Variants in ATP2A1 observed in about 807,000 individuals in gnomAD.
ATP2A1 encodes sarcoplasmic/endoplasmic reticulum calcium ATPase 1.
In ATP2A1, 83 loss-of-function variants were observed where a neutral mutation model predicts 109.5. That is an observed-to-expected ratio of 0.76 (90% confidence interval 0.63 to 0.91). The LOEUF (loss-of-function observed/expected upper bound fraction) is 0.91, where lower values mean the gene tolerates loss of function less well. Ranked by LOEUF, ATP2A1 falls within the 40% of genes least tolerant of loss-of-function variation. The pLI, the probability that ATP2A1 is intolerant of heterozygous loss-of-function variation, is 0.00. For missense variants in ATP2A1, 1,101 were observed against 1,341.0 expected (o/e 0.82, Z 2.80); for synonymous variants, 505 against 537.6 (o/e 0.94, Z 0.84).
intron 11 of ATP2A1, 82 bp from the exon 12 acceptor site, chr16:28,894,740 C>T (rs1244206141): frequency 6.2e-7 from 1 of 1,606,100 alleles, no homozygotes; most frequent in African/African-American, 1.3e-5. Context: ...TGGTTTGCTT[C>T]CTTCTTACGC....
intron 6 of ATP2A1, among the ~76,000 whole-genome samples, 190 bp from the exon 7 acceptor site, chr16:28,886,999 A>G (rs1963631172): frequency 6.6e-6 from 1 of 151,394 alleles, no homozygotes; most frequent in Non-Finnish European, 1.5e-5. Flanking sequence ...TCTCAAAAAA[A>G]AAAAAAAAAA....
chr16:28,890,845 C>T (rs1395056598), intron 9 of ATP2A1, among the ~76,000 whole-genome samples: 1 of 151,992 alleles, frequency 6.6e-6, no homozygotes, highest in Non-Finnish European at 1.5e-5. Flanking sequence ...ACCATCACAC[C>T]CAGCTAATTT....
Position 28,900,748 on chromosome 16 carries a change from G to A in ATP2A1, c.1932G>A (p.Glu644=), listed in dbSNP as rs936091061. Residue 644 remains glutamate, a synonymous_variant, in exon 15 of 23, where the codon GAG becomes GAA. Coordinates refer to ENST00000395503, the MANE Select transcript of ATP2A1 (RefSeq NM_004320.6). Reference sequence around the variant, plus strand: ...GCCGGCGAATTGGCATCTTTGGGGAGAACGAGGAGGTGGCCGATCGCGCCT... The same window carrying A: ...GCCGGCGAATTGGCATCTTTGGGGAAAACGAGGAGGTGGCCGATCGCGCCT... ...AICRRIGIFG[E]NEEVADRAYT... 6 of 1,614,102 alleles carry A rather than the reference G, an allele frequency of 3.7e-6. No homozygotes were observed. Among genetic ancestry groups the A allele is most frequent in the Admixed American group, 1.7e-5 (1 of 60,000 alleles).
chr16:28,903,941 G>GT lies in ATP2A1; in HGVS notation c.*37+201dup, dbSNP rs1964169244. 1 of 733,982 alleles carries GT rather than the reference G, an allele frequency of 1.4e-6. No individual in the cohort carries two copies. Among genetic ancestry groups the GT allele is most frequent in the Middle Eastern group, 3.7e-4 (1 of 2,698 alleles). The allele number at this position is 733,982 out of a possible 1,614,324, so 45.5% of individuals were successfully genotyped here. A position where few individuals can be genotyped will look rare whatever the true frequency, so the allele number is the denominator to read the frequency against. On this transcript the variant is annotated intron_variant, in intron 22 of 22. Coordinates refer to ENST00000395503, the MANE Select transcript of ATP2A1 (RefSeq NM_004320.6). The surrounding 1 kb of genome is among the most constrained non-coding windows in gnomAD (Gnocchi z 5.6). ...CAGTTTGGCTCCCAGGCCCTGGGCAGTGCCAGCCTCTGGGCCCGTCTGCTG... is the reference window on the plus strand; with the variant it reads ...CAGTTTGGCTCCCAGGCCCTGGGCAGTTGCCAGCCTCTGGGCCCGTCTGCTG...
chr16:28,885,917 G>A (rs1963602773), intron 6 of ATP2A1, among the ~76,000 whole-genome samples: 1 of 152,038 alleles, frequency 6.6e-6, no homozygotes, highest in Non-Finnish European at 1.5e-5. Flanking sequence ...TGTAATCCCA[G>A]TGCTTTGGGA....
chr16:28,883,298 G>A lies in ATP2A1; in HGVS notation c.463+709G>A, dbSNP rs1412801126. On this transcript the variant is annotated intron_variant, in intron 5 of 22. Coordinates refer to ENST00000395503, the MANE Select transcript of ATP2A1 (RefSeq NM_004320.6). This position sits in a 1 kb window ranked among gnomAD's most constrained non-coding sequence, Gnocchi z 5.2. ...GCCTCCTTCCCTGTAGCAGACATCC[G>A]AATCACCACCCCAGGGAGCTTGGGC... is the stretch of plus-strand genomic sequence containing the variant. Among the ~76,000 whole-genome samples the A allele has an allele frequency of 6.6e-6, 1 of 152,186 alleles. No homozygotes were observed. The highest frequency in any genetic ancestry group is 1.5e-5 in the Non-Finnish European group (1 of 68,020).
intron 12 of ATP2A1, among the ~76,000 whole-genome samples, chr16:28,895,487 C>T (rs1404627965): frequency 2.0e-5 from 3 of 152,042 alleles, no homozygotes; most frequent in Non-Finnish European, 4.4e-5. Flanking sequence ...CTCTTTCTCT[C>T]TTTTTTTGTA....
rs1273664072 is a variant in ATP2A1, at chr16:28,898,995, C to T, written c.1764+544C>T. On this transcript the variant is annotated intron_variant, in intron 14 of 22. Transcript: ENST00000395503. The surrounding 1 kb of genome is among the most constrained non-coding windows in gnomAD (Gnocchi z 4.0). ...AGGCCCTGTCTCTAAAAACAAAAAA[C>T]AAAAACACACACACACACACACAAA... Among the ~76,000 whole-genome samples the T allele has an allele frequency of 6.6e-6, 1 of 151,250 alleles. No homozygotes were observed. Among genetic ancestry groups the T allele is most frequent in the African/African-American group, 2.5e-5 (1 of 40,816 alleles).
At position 28,895,643 on chromosome 16, in the gene ATP2A1, T is replaced by C. The variant is rs564242733; in HGVS notation, c.1419+690T>C. Among the ~76,000 whole-genome samples the C allele has an allele frequency of 2.7e-5, 4 of 146,530 alleles. No individual in the cohort carries two copies. In the Admixed American group the frequency reaches 2.7e-4, roughly 10 times the overall value. ...GAGTTTAAGACCGGCCTGGGCAACA[T>C]AGTGAGACCCGCATCTCTACAAAAA... is the stretch of plus-strand genomic sequence containing the variant. On this transcript the variant is annotated intron_variant, in intron 12 of 22. Coordinates refer to ENST00000395503, the MANE Select transcript of ATP2A1 (RefSeq NM_004320.6).
At chr16:28,901,486 G>A (rs142565208) in intron 15 of ATP2A1, among the ~76,000 whole-genome samples, 180 of 152,096 alleles carry the variant, frequency 1.2e-3, no homozygotes, top group Middle Eastern at 6.8e-3. Context: ...TACAAAAATT[G>A]GCCGTGCGTG....
Position 28,894,883 on chromosome 16 carries a change from A to G in ATP2A1, c.1349A>G (p.Glu450Gly). The change falls in exon 12 of 23, where the codon GAG becomes GGG. Residue 450 changes from glutamate (E) to glycine (G), a missense_variant. By Grantham distance (98) the Glu-to-Gly change is moderately conservative. Transcript: ENST00000395503. ...ATETALTTLV[E>G]KMNVFNTDVR... ...GAGACAGCACTCACCACCCTGGTGG[A>G]GAAGATGAATGTGTTCAACACGGAT... 2.5e-6 allele frequency: 4 copies of G among 1,612,222 alleles called. No homozygotes were observed. Among genetic ancestry groups the G allele is most frequent in the Non-Finnish European group, 3.4e-6 (4 of 1,179,972 alleles).
intron 3 of ATP2A1, chr16:28,879,854 T>A (rs1275999253): frequency 1.7e-6 from 1 of 577,128 alleles, no homozygotes. Context: ...CTTGGAGAGC[T>A]CGGGTTACCC....
In ATP2A1 at chr16:28,883,751, G is replaced by A. The variant is rs1394186887; in HGVS notation, c.464-824G>A. ...ATTCACTCTCCAGCCTGTGCTGCCC[G>A]CCCCACTCTTCCACACCTGTTTCCT... On this transcript the variant is annotated intron_variant, in intron 5 of 22. Transcript: ENST00000395503. The surrounding 1 kb of genome is among the most constrained non-coding windows in gnomAD (Gnocchi z 5.2). Among the ~76,000 whole-genome samples, 1 of 151,604 alleles carries A rather than the reference G, an allele frequency of 6.6e-6. No individual in the cohort carries two copies. Among genetic ancestry groups the A allele is most frequent in the Non-Finnish European group, 1.5e-5 (1 of 67,896 alleles).
rs1427421173 is a variant in ATP2A1 at position 28,893,181 on chromosome 16, CA to C, written c.1096-970del. On this transcript the variant is annotated intron_variant, in intron 9 of 22. Coordinates refer to ENST00000395503, the MANE Select transcript of ATP2A1 (RefSeq NM_004320.6). ...GGAAGATCACTTGAGCCCAGGAGTT[CA>C]AAACCAGCCTGGGCAACATAGTGAG... is the stretch of plus-strand genomic sequence containing the variant. 4.9e-5 allele frequency among the ~76,000 whole-genome samples: 7 copies of C among 142,574 alleles called. No individual in the cohort carries two copies. In the East Asian group the frequency reaches 1.4e-3, roughly 29 times the overall value. 93.5% of individuals were successfully genotyped at this position (142,574 alleles called of 152,430 possible).
intron 4 of ATP2A1, chr16:28,881,535 T>C (rs1963480019): frequency 4.5e-6 from 1 of 220,332 alleles, no homozygotes; most frequent in South Asian, 6.9e-5. Context: ...ACACTGAGGA[T>C]AGAAATAGCC....
In ATP2A1 at chr16:28,894,251, A is replaced by C; in HGVS notation, c.1184+8A>C. ...CGCTCCAGAGGGAGAGGTGTAAGTC[A>C]CCCAGGCATCTTCTCCCCAGCTCCT... On this transcript the variant is annotated splice_region_variant and intron_variant, in intron 10 of 22. Transcript: ENST00000395503. The C allele has an allele frequency of 6.2e-6, 10 of 1,612,346 alleles. No homozygotes were observed. Among genetic ancestry groups the C allele is most frequent in the Non-Finnish European group, 8.5e-6 (10 of 1,178,740 alleles).
chr16:28,885,475 C>T (rs1963591275), intron 6 of ATP2A1, among the ~76,000 whole-genome samples: 1 of 151,948 alleles, frequency 6.6e-6, no homozygotes, highest in Admixed American at 6.5e-5. Flanking sequence ...TCCAGAGTAG[C>T]TGGGATTACA....
rs1305053763 is a variant in ATP2A1, at chr16:28,880,968, C to T, written c.273C>T (p.Pro91=). The T allele has an allele frequency of 1.2e-6, 2 of 1,614,102 alleles. No individual in the cohort carries two copies. The highest frequency in any genetic ancestry group is 1.7e-5 in the Admixed American group (1 of 60,012). The change falls in exon 4 of 23, where the codon CCC becomes CCT. Residue 91 remains proline (P), a synonymous_variant. Coordinates refer to ENST00000395503, the MANE Select transcript of ATP2A1 (RefSeq NM_004320.6). This position sits in a 1 kb window ranked among gnomAD's most constrained non-coding sequence, Gnocchi z 4.2. ...GEETITAFVE[P]FVILLILIAN... is the part of the protein sequence containing the mutation. ...AGACCATCACTGCCTTTGTTGAACC[C>T]TTTGTCATCCTCTTGATCCTCATTG...
In ATP2A1 at chr16:28,883,109, G is replaced by A. The variant is rs961786654; in HGVS notation, c.463+520G>A. Among the ~76,000 whole-genome samples, 2 of 152,244 alleles carry A rather than the reference G, an allele frequency of 1.3e-5. No homozygotes were observed. Among genetic ancestry groups the A allele is most frequent in the African/African-American group, 4.8e-5 (2 of 41,464 alleles). ...GACCGGGGAGGAGGGAGCTCAAGGA[G>A]GGCCCCGCCCGCGGCAAGGGACACT... On this transcript the variant is annotated intron_variant, in intron 5 of 22. Transcript: ENST00000395503. The surrounding 1 kb of genome is among the most constrained non-coding windows in gnomAD (Gnocchi z 5.2).
Sources: allele counts gnomAD v4.1 joint callset (sites outside exome capture counted in the v4.1 genomes callset), GRCh38; gene constraint gnomAD v4.1.1; non-coding constraint Gnocchi (gnomAD v3.1); transcripts MANE v1.5; gene names NCBI Gene and HGNC (gene_info 2026-07-23, HGNC 2026-07-21).